Variants in ZEB2 observed in about 807,000 individuals in gnomAD.
ZEB2 encodes zinc finger E-box binding homeobox 2.
Under a neutral mutation model 99.9 loss-of-function variants are expected in ZEB2, and 6 were observed. The ratio of observed to expected loss-of-function variants is 0.06; its 90% confidence interval spans 0.03 to 0.12. The LOEUF is 0.12. ZEB2 is among the 10% of genes least tolerant of loss of function. ZEB2 has a pLI of 1.00. For synonymous variants in ZEB2, 517 were observed against 542.5 expected (o/e 0.95, Z 0.65); for missense variants, 969 against 1,502.8 (o/e 0.64, Z 5.87).
chr2:144,440,571 G>C lies in ZEB2; in HGVS notation c.74-10545C>G, dbSNP rs1703901773. On this transcript the variant is annotated intron_variant, in intron 2 of 9. Coordinates refer to ENST00000627532, the MANE Select transcript of ZEB2 (RefSeq NM_014795.4). Reference sequence around the variant, plus strand: ...TAGTGGTTAACTTTTGTAAAGTCCAGTAATCACCAAGCATCTATGAAATAA... The same window carrying C: ...TAGTGGTTAACTTTTGTAAAGTCCACTAATCACCAAGCATCTATGAAATAA... 4.3e-5 allele frequency among the ~76,000 whole-genome samples: 6 copies of C among 140,652 alleles called. No homozygotes were observed. The Admixed American group carries it at 4.3e-4, about 10-fold the overall frequency. 92.3% of individuals were successfully genotyped at this position (140,652 alleles called of 152,430 possible). A position where few individuals can be genotyped will look rare whatever the true frequency, so the allele number is the denominator to read the frequency against.
At chr2:144,431,832 G>A (rs1423849358) in intron 2 of ZEB2, among the ~76,000 whole-genome samples, 2 of 145,780 alleles carry the variant, frequency 1.4e-5, no homozygotes, top group African/African-American at 2.5e-5. Flanking sequence ...GCTGGGGGTA[G>A]GGGGGAGTGG....
intron 2 of ZEB2, among the ~76,000 whole-genome samples, chr2:144,443,810 T>C (rs1189976685): frequency 6.6e-6 from 1 of 152,002 alleles, no homozygotes; most frequent in African/African-American, 2.4e-5. Context: ...TTATTCAAGG[T>C]TGTTGTGCAT....
chr2:144,441,542 TAAA>T (rs1245139980), intron 2 of ZEB2, among the ~76,000 whole-genome samples: 2 of 114,536 alleles, frequency 1.7e-5, no homozygotes, highest in African/African-American at 3.2e-5. Context: ...ATTAATTTTC[TAAA>T]AAAAAAAAAA....
chr2:144,507,569 C>G (rs931609020), intron 2 of ZEB2: 1 of 151,804 alleles, frequency 6.6e-6, no homozygotes, highest in Non-Finnish European at 1.5e-5. Flanking sequence ...GTTTGCTCCC[C>G]TTACACTCTT....
intron 2 of ZEB2, among the ~76,000 whole-genome samples, chr2:144,439,529 AG>A: frequency 6.6e-6 from 1 of 152,386 alleles, no homozygotes; most frequent in East Asian, 1.9e-4. Context: ...GTTCTGCAGC[AG>A]GGCCTGTGTG....
intron 8 of ZEB2, among the ~76,000 whole-genome samples, chr2:144,396,887 C>T (rs1703236822): frequency 6.6e-6 from 1 of 152,120 alleles, no homozygotes; most frequent in South Asian, 2.1e-4. Context: ...TCCTTCATTT[C>T]CTTTATACCA....
At chr2:144,397,842 T>G in intron 8 of ZEB2, 1 of 294,730 alleles carries the variant, frequency 3.4e-6, no homozygotes, top group East Asian at 1.0e-4. Context: ...TGTTTTACCA[T>G]GTTGGCCAGG....
At position 144,424,910 on chromosome 2, in the gene ZEB2, G is replaced by T. The variant is rs756157260; in HGVS notation, c.332-43C>A. On this transcript the variant is annotated intron_variant, in intron 3 of 9. Transcript: ENST00000627532. The stretch of plus-strand genomic sequence containing the variant: ...CTTTAGCATTTGAGAATTGTAGAAA[G>T]GCTTACTATACTAAGCATGCCAAGC... 1.8e-5 allele frequency: 28 copies of T among 1,596,916 alleles called. No homozygotes were observed. The South Asian group carries it at 3.0e-4, about 17-fold the overall frequency.
rs190443805 is a variant in ZEB2 at position 144,510,947 on chromosome 2, G to C, written c.73+6331C>G. Reference sequence around the variant, plus strand: ...TACCTAAGGCATTCAAAAGACCGCCGTGTCAGGGGTTCAGCTAACGGTGCA... The same window carrying C: ...TACCTAAGGCATTCAAAAGACCGCCCTGTCAGGGGTTCAGCTAACGGTGCA... On this transcript the variant is annotated intron_variant, in intron 2 of 9. Coordinates refer to ENST00000627532, the MANE Select transcript of ZEB2 (RefSeq NM_014795.4). Among the ~76,000 whole-genome samples, 15 of 152,328 alleles carry C rather than the reference G, an allele frequency of 9.8e-5. No homozygotes were observed. The East Asian group carries it at 2.9e-3, about 29-fold the overall frequency.
chr2:144,393,867 T>C (rs559001377), intron 9 of ZEB2, among the ~76,000 whole-genome samples: 35 of 152,328 alleles, frequency 2.3e-4, no homozygotes, highest in African/African-American at 8.2e-4. Context: ...CTCTCACATC[T>C]TGAAGGAGCA....
intron 2 of ZEB2, among the ~76,000 whole-genome samples, chr2:144,473,387 C>T (rs890580244): frequency 6.6e-6 from 1 of 152,124 alleles, no homozygotes; most frequent in Non-Finnish European, 1.5e-5. Context: ...GGGAAGAGTG[C>T]TATGTGGTCC....
chr2:144,469,123 A>G (rs1432713255), intron 2 of ZEB2, among the ~76,000 whole-genome samples: 2 of 152,184 alleles, frequency 1.3e-5, no homozygotes, highest in Non-Finnish European at 2.9e-5. Flanking sequence ...TGTCAAATAC[A>G]ATAAATGAAT....
intron 2 of ZEB2, among the ~76,000 whole-genome samples, chr2:144,509,470 G>A (rs891181326): frequency 1.3e-5 from 2 of 152,062 alleles, no homozygotes; most frequent in African/African-American, 2.4e-5. Flanking sequence ...TCACATGTTC[G>A]CACAACTTCT....
At chr2:144,459,143 G>A (rs907964993) in intron 2 of ZEB2, among the ~76,000 whole-genome samples, 3 of 152,046 alleles carry the variant, frequency 2.0e-5, no homozygotes, top group Admixed American at 1.3e-4. Context: ...CATAACCCAC[G>A]TCAGCCCAAG....
Position 144,440,515 on chromosome 2 carries a change from A to ATTT in ZEB2, c.74-10492_74-10490dup, listed in dbSNP as rs201944188. Among the ~76,000 whole-genome samples the ATTT allele has an allele frequency of 7.6e-4, 25 of 32,816 alleles. 1 individual carries two copies. Among genetic ancestry groups the ATTT allele is most frequent in the African/African-American group, 2.0e-3 (25 of 12,654 alleles). The allele number at this position is 32,816 out of a possible 152,430, so 21.5% of individuals were successfully genotyped here. A position where few individuals can be genotyped will look rare whatever the true frequency, so the allele number is the denominator to read the frequency against. On this transcript the variant is annotated intron_variant, in intron 2 of 9. Coordinates refer to ENST00000627532, the MANE Select transcript of ZEB2 (RefSeq NM_014795.4). Reference sequence around the variant, plus strand: ...TATATATATATATATATATATATATATTTTTTTTTTTTTTTTTTTTTTTTT... The same window carrying ATTT: ...TATATATATATATATATATATATATATTTTTTTTTTTTTTTTTTTTTTTTTTTT...
At chr2:144,418,405 T>C (rs1355771646) in intron 4 of ZEB2, among the ~76,000 whole-genome samples, 1 of 152,160 alleles carries the variant, frequency 6.6e-6, no homozygotes, top group East Asian at 1.9e-4. Flanking sequence ...TAGTTTGAAG[T>C]TGGCCAGGCC....
At chr2:144,390,366 C>T (rs1017319112) in intron 9 of ZEB2, among the ~76,000 whole-genome samples, 3 of 152,148 alleles carry the variant, frequency 2.0e-5, no homozygotes, top group African/African-American at 7.2e-5. Context: ...TGATCTAGCA[C>T]ATGTTTTCAT....
In ZEB2 at chr2:144,384,485, A is replaced by T. The variant is rs1166258702; in HGVS notation, c.*4966T>A. On this transcript the variant is annotated 3_prime_UTR_variant, in exon 10 of 10. Coordinates refer to ENST00000627532, the MANE Select transcript of ZEB2 (RefSeq NM_014795.4). ...AAAATTGGACACAGCCTACTAGCCCAAAAAGAACATGTTGCCAATTATCTC... is the reference window on the plus strand; with the variant it reads ...AAAATTGGACACAGCCTACTAGCCCTAAAAGAACATGTTGCCAATTATCTC... 6.6e-6 allele frequency: 1 copy of T among 152,144 alleles called. No individual in the cohort carries two copies. Among genetic ancestry groups the T allele is most frequent in the South Asian group, 2.1e-4 (1 of 4,826 alleles). 9.4% of individuals were successfully genotyped at this position (152,144 alleles called of 1,614,324 possible).
intron 2 of ZEB2, among the ~76,000 whole-genome samples, chr2:144,439,089 A>G (rs1477667912): frequency 6.6e-6 from 1 of 151,488 alleles, no homozygotes; most frequent in East Asian, 1.9e-4. Context: ...ATTGAATTAA[A>G]CTCCCATTTA....
Sources: allele counts gnomAD v4.1 joint callset (sites outside exome capture counted in the v4.1 genomes callset), GRCh38; gene constraint gnomAD v4.1.1; transcripts MANE v1.5; gene names NCBI Gene and HGNC (gene_info 2026-07-23, HGNC 2026-07-21).